The following LRRTM4 variants were observed in gnomAD, a reference collection of about 807,000 sequenced individuals.
LRRTM4 encodes the protein leucine-rich repeat transmembrane neuronal protein 4.
Under a neutral mutation model 47.6 loss-of-function variants are expected in LRRTM4, and 25 were observed. The observed-to-expected ratio is 0.53, with a 90% CI of 0.38 to 0.73. The LOEUF is 0.73. LRRTM4 is among the 30% of genes least tolerant of loss of function. The pLI, the probability that LRRTM4 is intolerant of heterozygous loss-of-function variation, is 0.00. For missense variants in LRRTM4, 638 were observed against 713.4 expected (o/e 0.89, Z 1.20); for synonymous variants, 311 against 269.5 (o/e 1.15, Z -1.51).
At chr2:76,817,463 T>C (rs1670934415) in intron 3 of LRRTM4, among the ~76,000 whole-genome samples, 1 of 151,968 alleles carries the variant, frequency 6.6e-6, no homozygotes, top group Non-Finnish European at 1.5e-5. Context: ...GTTATGAGGC[T>C]GGAAAATGAA....
At chr2:77,061,806 GCT>G (rs1292824802) in intron 3 of LRRTM4, among the ~76,000 whole-genome samples, 1 of 151,970 alleles carries the variant, frequency 6.6e-6, no homozygotes, top group Non-Finnish European at 1.5e-5. Flanking sequence ...AAACTTTTTT[GCT>G]CTTTTTATAC....
At chr2:77,238,287 A>T (rs1415595776) in intron 3 of LRRTM4, among the ~76,000 whole-genome samples, 2 of 152,178 alleles carry the variant, frequency 1.3e-5, no homozygotes, top group Non-Finnish European at 2.9e-5. Flanking sequence ...TTAAAAAATA[A>T]GTACAAAATT....
chr2:76,974,131 C>T (rs1458070811), intron 3 of LRRTM4, among the ~76,000 whole-genome samples: 5 of 120,936 alleles, frequency 4.1e-5, no homozygotes, highest in African/African-American at 1.2e-4. Context: ...CACATTTGCT[C>T]ATATATATAC....
At chr2:76,803,721 G>T (rs907290917) in intron 3 of LRRTM4, among the ~76,000 whole-genome samples, 2 of 152,110 alleles carry the variant, frequency 1.3e-5, no homozygotes, top group African/African-American at 4.8e-5. Context: ...CTGCCTACAA[G>T]TTACAAGGGT....
At chr2:77,496,829 CTTCAA>C (rs1299312477) in intron 3 of LRRTM4, among the ~76,000 whole-genome samples, 2 of 151,626 alleles carry the variant, frequency 1.3e-5, no homozygotes, top group African/African-American at 2.4e-5. Context: ...GTTTCCTCCT[CTTCAA>C]TTCTTTTTTC....
In LRRTM4 at chr2:76,998,760, A is replaced by G. The variant is rs72823171; in HGVS notation, c.1552-249844T>C. Among the ~76,000 whole-genome samples, 396 of 146,450 alleles carry G rather than the reference A, an allele frequency of 2.7e-3. 1 individual carries two copies. Among genetic ancestry groups the G allele is most frequent in the Non-Finnish European group, 4.7e-3 (314 of 67,102 alleles). On this transcript the variant is annotated intron_variant, in intron 3 of 3. Transcript: ENST00000409884. ...TTACCCTTCCTTCAGTTTTTCCTCTATATTTTCTGTTTTTTTTTTTTTTCC... is the reference window on the plus strand; with the variant it reads ...TTACCCTTCCTTCAGTTTTTCCTCTGTATTTTCTGTTTTTTTTTTTTTTCC...
At chr2:77,323,925 AT>A (rs1375874953) in intron 3 of LRRTM4, among the ~76,000 whole-genome samples, 1 of 152,130 alleles carries the variant, frequency 6.6e-6, no homozygotes, top group African/African-American at 2.4e-5. Context: ...GCTAACATGT[AT>A]AAAAATTACC....
chr2:77,260,373 TCGTG>T (rs937518277), intron 3 of LRRTM4, among the ~76,000 whole-genome samples: 6 of 96,592 alleles, frequency 6.2e-5, no homozygotes, highest in African/African-American at 2.0e-4. Flanking sequence ...TACCAAAAAA[TCGTG>T]TGTGTGTGTG....
chr2:76,903,299 G>A (rs1673706257), intron 3 of LRRTM4, among the ~76,000 whole-genome samples: 2 of 152,214 alleles, frequency 1.3e-5, no homozygotes, highest in Admixed American at 6.5e-5. Flanking sequence ...CACTTTGGGA[G>A]GCTGAGGAGG....
intron 3 of LRRTM4, among the ~76,000 whole-genome samples, chr2:77,264,275 T>A (rs1675993427): frequency 6.6e-6 from 1 of 151,630 alleles, no homozygotes; most frequent in Non-Finnish European, 1.5e-5. Flanking sequence ...TCATGTGGCC[T>A]TTCCTCAGTG....
chr2:77,427,257 G>A (rs113566439), intron 3 of LRRTM4, among the ~76,000 whole-genome samples: 7 of 152,226 alleles, frequency 4.6e-5, no homozygotes, highest in Non-Finnish European at 5.9e-5. Context: ...GATTACAGGC[G>A]TGAGCCACCG....
intron 3 of LRRTM4, among the ~76,000 whole-genome samples, chr2:77,021,909 C>A (rs1157729491): frequency 6.6e-6 from 1 of 152,134 alleles, no homozygotes; most frequent in African/African-American, 2.4e-5. Context: ...ACCACTCATG[C>A]TGTATCTTAG....
intron 3 of LRRTM4, among the ~76,000 whole-genome samples, chr2:77,149,902 C>A (rs1185009294): frequency 6.6e-6 from 1 of 152,108 alleles, no homozygotes; most frequent in African/African-American, 2.4e-5. Context: ...GCCCAGGAGC[C>A]CACATAGCTC....
At chr2:77,270,885 C>A (rs569378995) in intron 3 of LRRTM4, among the ~76,000 whole-genome samples, 4 of 152,310 alleles carry the variant, frequency 2.6e-5, no homozygotes, top group African/African-American at 9.6e-5. Context: ...CACTGCCGTG[C>A]CCACTTTAGA....
Position 77,167,829 on chromosome 2 carries a change from G to A in LRRTM4, c.1551+350489C>T, listed in dbSNP as rs368018337. ...GATGGGGGAAGGTGGGAGGGATAGC[G>A]TTAGGAGATATACCTAATGTAAATG... On this transcript the variant is annotated intron_variant, in intron 3 of 3. Coordinates refer to ENST00000409884, the MANE Select transcript of LRRTM4 (RefSeq NM_001134745.3). Among the ~76,000 whole-genome samples the A allele has an allele frequency of 1.5e-3, 231 of 152,092 alleles. 1 individual carries two copies. Among genetic ancestry groups the A allele is most frequent in the African/African-American group, 5.2e-3 (214 of 41,516 alleles).
At chr2:76,806,197 C>G (rs1418063872) in intron 3 of LRRTM4, among the ~76,000 whole-genome samples, 1 of 152,068 alleles carries the variant, frequency 6.6e-6, no homozygotes, top group African/African-American at 2.4e-5. Flanking sequence ...AAACAAATAA[C>G]TAGGCACTCA....
chr2:77,052,541 ATAAGT>A (rs1679473103), intron 3 of LRRTM4, among the ~76,000 whole-genome samples: 1 of 152,056 alleles, frequency 6.6e-6, no homozygotes, highest in South Asian at 2.1e-4. Flanking sequence ...TACTCATCTA[ATAAGT>A]TAAAGTCTCC....
intron 3 of LRRTM4, among the ~76,000 whole-genome samples, chr2:77,057,298 A>T (rs1679640967): frequency 6.6e-6 from 1 of 152,222 alleles, no homozygotes; most frequent in Admixed American, 6.5e-5. Flanking sequence ...CATAAAACAT[A>T]TGCATATGTT....
At chr2:77,172,072 C>T (rs1673063726) in intron 3 of LRRTM4, among the ~76,000 whole-genome samples, 1 of 152,196 alleles carries the variant, frequency 6.6e-6, no homozygotes, top group South Asian at 2.1e-4. Flanking sequence ...TATCTGCCTG[C>T]AACTTCCTTA....
Sources: allele counts gnomAD v4.1 joint callset (sites outside exome capture counted in the v4.1 genomes callset), GRCh38; gene constraint gnomAD v4.1.1; transcripts MANE v1.5; gene names NCBI Gene and HGNC (gene_info 2026-07-23, HGNC 2026-07-21).